Variants in HIBCH observed in about 807,000 individuals in gnomAD.
HIBCH encodes the protein 3-hydroxyisobutyryl-CoA hydrolase, also known as 3-hydroxyisobutyryl-CoA hydrolase, mitochondrial.
A neutral mutation model predicts 58.2 loss-of-function variants in HIBCH; 50 were observed. That is an observed-to-expected ratio of 0.86 (90% CI 0.68 to 1.09). The LOEUF (loss-of-function observed/expected upper bound fraction) is 1.09. Among genes scored for constraint, HIBCH ranks in the 50% least tolerant of loss-of-function variants. The probability of loss-of-function intolerance (pLI) is 0.00; values close to 1 mark genes in which losing one functional copy is unlikely to be tolerated. For missense variants in HIBCH, 450 were observed against 449.7 expected (o/e 1.00, Z -0.01); for synonymous variants, 151 against 146.9 (o/e 1.03, Z -0.20).
At chr2:190,256,576 C>G (rs761845396) in intron 7 of HIBCH, among the ~76,000 whole-genome samples, 12 of 151,188 alleles carry the variant, frequency 7.9e-5, no homozygotes, top group Non-Finnish European at 1.8e-4. Flanking sequence ...CAGCACCCGA[C>G]AAAGTAAAGT....
rs2353890 is a variant in HIBCH at position 190,210,010 on chromosome 2, G to T, written c.1012-1097C>A. ...CCATTAGTATCATCAACATAATCTT[G>T]TTTCTCTATTGGATCATTCCCAATC... On this transcript the variant is annotated intron_variant, in intron 12 of 13. Coordinates refer to ENST00000359678, the MANE Select transcript of HIBCH (RefSeq NM_014362.4). This position sits in a 1 kb window ranked among gnomAD's most constrained non-coding sequence, Gnocchi z 5.5. Among the ~76,000 whole-genome samples the T allele has an allele frequency of 0.31, 47,144 of 151,996 alleles. 8,381 individuals are homozygous for T. Among genetic ancestry groups the T allele is most frequent in the African/African-American group, 0.47 (19,308 of 41,426 alleles).
In HIBCH at chr2:190,306,517, ACTGT is replaced by A. The variant is rs1688410860; in HGVS notation, c.78+4233_78+4236del. Among the ~76,000 whole-genome samples the A allele has an allele frequency of 6.6e-6, 1 of 152,128 alleles. No individual in the cohort carries two copies. The highest frequency in any genetic ancestry group is 6.6e-5 in the Admixed American group (1 of 15,264). On this transcript the variant is annotated intron_variant, in intron 2 of 13. Transcript: ENST00000359678. The surrounding 1 kb of genome is among the most constrained non-coding windows in gnomAD (Gnocchi z 4.6). ...GTTTCCCAAATTGCATGACAGTTGT[ACTGT>A]CATGCAATATACTGCATATGCAGGC...
rs1219716206 is a variant in HIBCH, at chr2:190,207,758, G to C, written c.1045+1122C>G. Among the ~76,000 whole-genome samples the C allele has an allele frequency of 6.6e-6, 1 of 152,064 alleles. No individual in the cohort carries two copies. The highest frequency in any genetic ancestry group is 1.9e-4 in the East Asian group (1 of 5,198). On this transcript the variant is annotated intron_variant, in intron 13 of 13. Coordinates refer to ENST00000359678, the MANE Select transcript of HIBCH (RefSeq NM_014362.4). This position sits in a 1 kb window ranked among gnomAD's most constrained non-coding sequence, Gnocchi z 4.5. ...CAGCTAGGCGTGGTGGCATGGGCTG[G>C]TAGTCCCAGCTACTCAGGAGGCTGA...
At chr2:190,319,614 G>C in intron 1 of HIBCH, 102 bp downstream of exon 1, 2 of 1,014,836 alleles carry the variant, frequency 2.0e-6, no homozygotes, top group Non-Finnish European at 3.1e-6. Flanking sequence ...CTCTGAGCGC[G>C]ACTCGAAACT....
Position 190,252,193 on chromosome 2 carries a change from C to A in HIBCH, c.632G>T (p.Gly211Val), listed in dbSNP as rs1210193670. Residue 211 changes from glycine (G) to valine (V), a missense_variant, in exon 8 of 14, where the codon GGA becomes GTA. Transcript: ENST00000359678. Reference protein sequence around the residue: ...RLKGRDVYRAGIATHFVDSEK... With the variant: ...RLKGRDVYRAVIATHFVDSEK... ...AGAATCTACAAAGTGTGTAGCAATT[C>A]CTGCTCTGTACACATCTCTTCCTTT... 1 of 1,613,930 alleles carries A rather than the reference C, an allele frequency of 6.2e-7. No homozygotes were observed. The highest frequency in any genetic ancestry group is 1.7e-5 in the Admixed American group (1 of 60,020).
At chr2:190,295,891 A>G (rs1481127901) in intron 3 of HIBCH, among the ~76,000 whole-genome samples, 1 of 152,232 alleles carries the variant, frequency 6.6e-6, no homozygotes, top group South Asian at 2.1e-4. Context: ...TACATGGCAG[A>G]CTGTATTAGG....
chr2:190,305,343 C>T (rs1040472623), intron 2 of HIBCH, among the ~76,000 whole-genome samples: 1 of 152,102 alleles, frequency 6.6e-6, no homozygotes, highest in Non-Finnish European at 1.5e-5. Flanking sequence ...AAGGGGTCAG[C>T]AGGGCAATGC....
At chr2:190,297,875 A>G (rs890535373) in intron 2 of HIBCH, among the ~76,000 whole-genome samples, 5 of 151,984 alleles carry the variant, frequency 3.3e-5, no homozygotes, top group African/African-American at 1.2e-4. Context: ...TGCGTGCATT[A>G]GGTATTTGTT....
At chr2:190,255,861 G>C (rs1686906571) in intron 7 of HIBCH, among the ~76,000 whole-genome samples, 1 of 152,104 alleles carries the variant, frequency 6.6e-6, no homozygotes, top group Admixed American at 6.6e-5. Context: ...GTGTGTGTGT[G>C]TCAAGAAACT....
At chr2:190,276,847 T>A (rs1687565664) in intron 6 of HIBCH, among the ~76,000 whole-genome samples, 3 of 152,134 alleles carry the variant, frequency 2.0e-5, no homozygotes, top group Non-Finnish European at 2.9e-5. Context: ...GTTACCAATA[T>A]AAAAAACACT....
chr2:190,270,278 T>A lies in HIBCH; in HGVS notation c.439-9044A>T, dbSNP rs537830818. Among the ~76,000 whole-genome samples the A allele has an allele frequency of 2.1e-3, 307 of 149,242 alleles. 1 individual carries two copies. The highest frequency in any genetic ancestry group is 0.01 in the East Asian group (53 of 5,104). On this transcript the variant is annotated intron_variant, in intron 6 of 13. Coordinates refer to ENST00000359678, the MANE Select transcript of HIBCH (RefSeq NM_014362.4). ...ATTTAGTTATTACACCTTTTTTTTT[T>A]TTAAAAAAAAAGATATTTAAGGTTA...
At chr2:190,280,149 GC>G (rs1349741248) in intron 6 of HIBCH, 1 of 152,152 alleles carries the variant, frequency 6.6e-6, no homozygotes, top group African/African-American at 2.4e-5. Context: ...GCAGAAATAG[GC>G]CAAAAGAAAG....
chr2:190,238,194 G>A (rs1686339956), intron 11 of HIBCH, among the ~76,000 whole-genome samples: 1 of 152,096 alleles, frequency 6.6e-6, no homozygotes, highest in African/African-American at 2.4e-5. Flanking sequence ...CCCAGTAAAG[G>A]GATTGCTGGG....
At chr2:190,308,615 C>G (rs1688476705) in intron 2 of HIBCH, among the ~76,000 whole-genome samples, 1 of 152,174 alleles carries the variant, frequency 6.6e-6, no homozygotes, top group Non-Finnish European at 1.5e-5. Context: ...CCTTAGGACT[C>G]TACAGAGGTC....
At chr2:190,237,646 G>T (rs1271877471) in intron 11 of HIBCH, among the ~76,000 whole-genome samples, 1 of 152,036 alleles carries the variant, frequency 6.6e-6, no homozygotes, top group Admixed American at 6.6e-5. Flanking sequence ...GCTGCAATGT[G>T]TAAGTTCTAG....
At chr2:190,223,689 T>C (rs1685800038) in intron 11 of HIBCH, among the ~76,000 whole-genome samples, 2 of 152,208 alleles carry the variant, frequency 1.3e-5, no homozygotes, top group Admixed American at 6.5e-5. Flanking sequence ...GCTATTGCCC[T>C]TGGCAAGGAA....
At chr2:190,241,277 C>T (rs1268638831) in intron 11 of HIBCH, among the ~76,000 whole-genome samples, 1 of 152,202 alleles carries the variant, frequency 6.6e-6, no homozygotes, top group African/African-American at 2.4e-5. Flanking sequence ...TTATCAGAAA[C>T]TAGGATTGCA....
In HIBCH at chr2:190,251,328, T is replaced by C. The variant is rs183691742; in HGVS notation, c.663+834A>G. 6.3e-3 allele frequency among the ~76,000 whole-genome samples: 962 copies of C among 152,244 alleles called. 9 individuals are homozygous for C. Among genetic ancestry groups the C allele is most frequent in the Non-Finnish European group, 0.011 (768 of 68,012 alleles). The stretch of plus-strand genomic sequence containing the variant: ...TTGAAAGCTGACTTTACCCCACAGA[T>C]TGAAGGACAGAGTGTGCATTACCTA... On this transcript the variant is annotated intron_variant, in intron 8 of 13. Coordinates refer to ENST00000359678, the MANE Select transcript of HIBCH (RefSeq NM_014362.4).
In HIBCH at chr2:190,290,347, A is replaced by G. The variant is rs370488205; in HGVS notation, c.385+58T>C. 2.3e-5 allele frequency: 27 copies of G among 1,174,762 alleles called. No individual in the cohort carries two copies. The African/African-American group carries it at 3.0e-4, about 13-fold the overall frequency. 72.8% of individuals were successfully genotyped at this position (1,174,762 alleles called of 1,614,324 possible). A position where few individuals can be genotyped will look rare whatever the true frequency, so the allele number is the denominator to read the frequency against. ...ATTGATTGCATTTTTAACAAAGTAC[A>G]TACTGTCCACCTCATTTCTTTATTC... On this transcript the variant is annotated intron_variant, in intron 5 of 13. Coordinates refer to ENST00000359678, the MANE Select transcript of HIBCH (RefSeq NM_014362.4).
Sources: gnomAD v4.1 joint callset for allele counts (sites outside exome capture counted in the v4.1 genomes callset) on GRCh38, gnomAD v4.1.1 for gene constraint, Gnocchi (gnomAD v3.1) non-coding constraint, MANE v1.5 for transcripts, NCBI Gene and HGNC (gene_info 2026-07-23, HGNC 2026-07-21) for gene names.